Variants in UBR4 observed in about 807,000 individuals in gnomAD.
UBR4 encodes the protein ubiquitin protein ligase E3 component n-recognin 4.
UBR4 carries 124 observed loss-of-function variants against 575.6 expected under a neutral mutation model. The observed-to-expected ratio is 0.22, with a 90% confidence interval of 0.19 to 0.25. The LOEUF (loss-of-function observed/expected upper bound fraction) is 0.25, where lower values mean the gene tolerates loss of function less well. UBR4 is among the 10% of genes least tolerant of loss of function. The pLI is 1.00. For synonymous variants in UBR4, 2,455 were observed against 2,473.7 expected, an observed-to-expected ratio of 0.99 and a Z score of 0.22; for missense variants, 4,818 against 6,478.8, an observed-to-expected ratio of 0.74 and a Z score of 8.80.
intron 85 of UBR4, 183 bp downstream of exon 85, chr1:19,104,865 T>C (rs1363584309): frequency 8.7e-7 from 1 of 1,149,782 alleles, no homozygotes; most frequent in East Asian, 2.5e-5. Context: ...ACAGTCCAAA[T>C]GCTCCCAAGA....
At position 19,146,695 on chromosome 1, in the gene UBR4, A is replaced by G. The variant is rs371746837; in HGVS notation, c.7804+131T>C. 8.3e-5 allele frequency: 106 copies of G among 1,270,766 alleles called. 2 individuals carry two copies. Among genetic ancestry groups the G allele is most frequent in the Admixed American group, 3.0e-4 (13 of 42,890 alleles). 78.7% of individuals were successfully genotyped at this position (1,270,766 alleles called of 1,614,324 possible). A position where few individuals can be genotyped will look rare whatever the true frequency, so the allele number is the denominator to read the frequency against. ...AATGTCAAAAGGCCCTACAAGGTAT[A>G]AAGACCAGGAAGCAAAATCCCTGTC... is the stretch of plus-strand genomic sequence containing the variant. On this transcript the variant is annotated intron_variant, in intron 52 of 105. Transcript: ENST00000375254.
chr1:19,084,367 T>G (rs2076806837), intron 102 of UBR4, 137 bp downstream of exon 102: 1 of 856,286 alleles, frequency 1.2e-6, no homozygotes, highest in Non-Finnish European at 1.7e-6. Flanking sequence ...CATCCCCACC[T>G]CGGCAAAAAG....
chr1:19,119,476 G>A (rs1438433010), intron 70 of UBR4, 81 bp downstream of exon 70: 6 of 1,546,712 alleles, frequency 3.9e-6, no homozygotes, highest in Non-Finnish European at 5.3e-6. Context: ...CTATATCTGG[G>A]TTGTTCATAA....
At chr1:19,145,412 G>A (rs2084702903) in intron 53 of UBR4, among the ~76,000 whole-genome samples, 1 of 151,962 alleles carries the variant, frequency 6.6e-6, no homozygotes, top group South Asian at 2.1e-4. Flanking sequence ...AGACCAAATA[G>A]CTTAGAAATA....
chr1:19,199,094 ATT>A (rs1421475048), intron 3 of UBR4, among the ~76,000 whole-genome samples, 166 bp from the exon 4 acceptor site: 1 of 152,208 alleles, frequency 6.6e-6, no homozygotes, highest in African/African-American at 2.4e-5. Context: ...TAGCTTATAG[ATT>A]TGTCTTATTG....
At chr1:19,142,892 C>T (rs902029968) in intron 55 of UBR4, among the ~76,000 whole-genome samples, 5 of 151,812 alleles carry the variant, frequency 3.3e-5, no homozygotes, top group South Asian at 2.1e-4. Context: ...GAGGCCGAGG[C>T]GGGCGGATCA....
intron 38 of UBR4, 29 bp from the exon 39 acceptor site, chr1:19,160,310 G>T (rs1438982654): frequency 9.4e-5 from 105 of 1,113,226 alleles, no homozygotes; most frequent in Non-Finnish European, 1.2e-4. Flanking sequence ...ATACACCAGT[G>T]AAAAAAAAAA....
At chr1:19,108,055 C>A (rs917222114) in intron 81 of UBR4, among the ~76,000 whole-genome samples, 2 of 152,098 alleles carry the variant, frequency 1.3e-5, no homozygotes, top group Non-Finnish European at 2.9e-5. Flanking sequence ...TGGCCTCATA[C>A]AGATATACAG....
Position 19,084,618 on chromosome 1 carries a change from A to C in UBR4, c.14894T>G (p.Phe4965Cys). Reference protein sequence around the residue: ...QLNIHDIKLLFLRFAMEQSFS... With the variant: ...QLNIHDIKLLCLRFAMEQSFS... ...CGACTGCTCCATGGCGAAGCGCAGGAAGAGCAGTTTGATGTCATGGATGTT... is the reference window on the plus strand; with the variant it reads ...CGACTGCTCCATGGCGAAGCGCAGGCAGAGCAGTTTGATGTCATGGATGTT... Residue 4965 changes from phenylalanine (F) to cysteine (C), a missense_variant, in exon 102 of 106, where the codon TTC (phenylalanine) becomes TGC (cysteine). Phe to Cys is a radical substitution (Grantham distance 205). Around this residue, in one of 29 missense-constraint regions of UBR4, gnomAD observed 196 missense variants for 386.8 expected, o/e 0.51. Coordinates refer to ENST00000375254, the MANE Select transcript of UBR4 (RefSeq NM_020765.3). 1 of 1,614,146 alleles carries C rather than the reference A, an allele frequency of 6.2e-7. No individual in the cohort carries two copies. Among genetic ancestry groups the C allele is most frequent in the Non-Finnish European group, 8.5e-7 (1 of 1,179,970 alleles).
chr1:19,120,045 T>C lies in UBR4; in HGVS notation c.10310+135A>G, dbSNP rs2081002190. On this transcript the variant is annotated intron_variant, in intron 69 of 105. Transcript: ENST00000375254. ...AAAAGCAGACAACAATAAAGAAATCTCTAAAGCACAAGAGGATTCAGGCTG... is the reference window on the plus strand; with the variant it reads ...AAAAGCAGACAACAATAAAGAAATCCCTAAAGCACAAGAGGATTCAGGCTG... 3 of 1,114,820 alleles carry C rather than the reference T, an allele frequency of 2.7e-6. No individual in the cohort carries two copies. The Admixed American group carries it at 7.2e-5, about 27-fold the overall frequency. 69.1% of individuals were successfully genotyped at this position (1,114,820 alleles called of 1,614,324 possible). A position where few individuals can be genotyped will look rare whatever the true frequency, so the allele number is the denominator to read the frequency against.
chr1:19,162,365 C>T, intron 35 of UBR4, 55 bp downstream of exon 35: 1 of 1,553,732 alleles, frequency 6.4e-7, no homozygotes, highest in Non-Finnish European at 8.7e-7. Context: ...AGCTTGGTAC[C>T]ATGCCAGTTA....
At chr1:19,190,220 G>C (rs192065854) in intron 11 of UBR4, among the ~76,000 whole-genome samples, 1 of 147,840 alleles carries the variant, frequency 6.8e-6, no homozygotes, top group African/African-American at 2.5e-5. Flanking sequence ...TTGAACCTGG[G>C]AGGCAGAGGT....
rs948152381 is a variant in UBR4 at position 19,117,081 on chromosome 1, T to C, written c.10823+140A>G. 6.8e-6 allele frequency: 6 copies of C among 877,676 alleles called. 1 individual carries two copies. The highest frequency in any genetic ancestry group is 5.5e-5 in the South Asian group (3 of 54,966). 54.4% of individuals were successfully genotyped at this position (877,676 alleles called of 1,614,324 possible). On this transcript the variant is annotated intron_variant, in intron 73 of 105. Transcript: ENST00000375254. The surrounding 1 kb of genome is among the most constrained non-coding windows in gnomAD (Gnocchi z 4.0). Reference sequence around the variant, plus strand: ...AGAACTGTTGTTTCACTTTTGTCCTTTGGTCATGAATGGAGGGGCCAAGAG... The same window carrying C: ...AGAACTGTTGTTTCACTTTTGTCCTCTGGTCATGAATGGAGGGGCCAAGAG...
intron 69 of UBR4, 148 bp downstream of exon 69, chr1:19,120,032 C>T: frequency 9.7e-7 from 1 of 1,026,520 alleles, no homozygotes; most frequent in Admixed American, 2.6e-5. Flanking sequence ...AAGCAGACAA[C>T]AATAAAGAAA....
chr1:19,198,410 C>T, intron 5 of UBR4, 131 bp downstream of exon 5: 1 of 1,277,264 alleles, frequency 7.8e-7, no homozygotes, highest in South Asian at 1.6e-5. Context: ...TTGTATTCCT[C>T]AATTTCTTTT....
At chr1:19,134,027 A>C (rs1306256893) in intron 60 of UBR4, among the ~76,000 whole-genome samples, 1 of 141,992 alleles carries the variant, frequency 7.0e-6, no homozygotes, top group Non-Finnish European at 1.5e-5. Context: ...TGGAGATTGC[A>C]GTGAGCTGAG....
Position 19,121,125 on chromosome 1 carries a change from C to G in UBR4, c.10141+64G>C, listed in dbSNP as rs537363239. On this transcript the variant is annotated intron_variant, in intron 68 of 105. Coordinates refer to ENST00000375254, the MANE Select transcript of UBR4 (RefSeq NM_020765.3). ...AAAGACCTTTTACAACAGGACAAAC[C>G]ATGTGCTCCAAGAGAGATTTACATA... 2.5e-6 allele frequency: 4 copies of G among 1,572,006 alleles called. No individual in the cohort carries two copies. The African/African-American group carries it at 5.4e-5, about 21-fold the overall frequency.
At chr1:19,193,266 T>C (rs2092241169) in intron 9 of UBR4, among the ~76,000 whole-genome samples, 167 bp downstream of exon 9, 1 of 152,144 alleles carries the variant, frequency 6.6e-6, no homozygotes, top group South Asian at 2.1e-4. Flanking sequence ...TCAACCAATA[T>C]ACCAAATCAA....
In UBR4 at chr1:19,084,800, G is replaced by A. The variant is rs1006168877; in HGVS notation, c.14814-102C>T. 1.7e-5 allele frequency: 19 copies of A among 1,111,702 alleles called. No homozygotes were observed. The Middle Eastern group carries it at 9.5e-4, about 55-fold the overall frequency. 68.9% of individuals were successfully genotyped at this position (1,111,702 alleles called of 1,614,324 possible). On this transcript the variant is annotated intron_variant, in intron 101 of 105. Coordinates refer to ENST00000375254, the MANE Select transcript of UBR4 (RefSeq NM_020765.3). ...TCCAGTACTCCCAGGCCTGATGGCTGCAAAGGTTTGCAAACGGAGACAAGA... is the reference window on the plus strand; with the variant it reads ...TCCAGTACTCCCAGGCCTGATGGCTACAAAGGTTTGCAAACGGAGACAAGA...
Sources: allele counts gnomAD v4.1 joint callset (sites outside exome capture counted in the v4.1 genomes callset), GRCh38; gene constraint gnomAD v4.1.1; regional missense constraint gnomAD v4.1.1; non-coding constraint Gnocchi (gnomAD v3.1); transcripts MANE v1.5; gene names NCBI Gene and HGNC (gene_info 2026-07-23, HGNC 2026-07-21).